Variants in NSMF observed in about 807,000 individuals in gnomAD.
The protein encoded by NSMF is NMDA receptor synaptonuclear signaling and neuronal migration factor.
NSMF carries 31 observed loss-of-function variants against 71.0 expected under a neutral mutation model. The ratio of observed to expected loss-of-function variants is 0.44; its 90% CI spans 0.33 to 0.59. The LOEUF is 0.59. NSMF is among the 20% of genes least tolerant of loss of function. The pLI is 0.04. For missense variants in NSMF, 673 were observed against 740.5 expected (o/e 0.91, Z 1.06); for synonymous variants, 345 against 287.1 (o/e 1.20, Z -2.04).
At chr9:137,456,892 C>G (rs745668205) in intron 3 of NSMF, among the ~76,000 whole-genome samples, 1 of 152,204 alleles carries the variant, frequency 6.6e-6, no homozygotes, top group Admixed American at 6.5e-5. Context: ...TAGAGACCAC[C>G]TTGCTGAGGG....
In NSMF at chr9:137,453,574, C is replaced by T. The variant is rs1412651919; in HGVS notation, c.922+157G>A. ...CCGTTGTTAGCCCCGCCTTTGCGAT[C>T]GGAGATGCTGAGGGCGTCCCCATCT... On this transcript the variant is annotated intron_variant, in intron 8 of 15. Coordinates refer to ENST00000371475, the MANE Select transcript of NSMF (RefSeq NM_001130969.3). This position sits in a 1 kb window ranked among gnomAD's most constrained non-coding sequence, Gnocchi z 4.5. 3.1e-6 allele frequency: 2 copies of T among 646,842 alleles called. No homozygotes were observed. Among genetic ancestry groups the T allele is most frequent in the African/African-American group, 1.8e-5 (1 of 54,538 alleles). The allele number at this position is 646,842 out of a possible 1,614,324, so 40.1% of individuals were successfully genotyped here. A position where few individuals can be genotyped will look rare whatever the true frequency, so the allele number is the denominator to read the frequency against.
chr9:137,457,918 G>A lies in NSMF; in HGVS notation c.134-17C>T, dbSNP rs149347630. 7.1e-4 allele frequency: 1,095 copies of A among 1,539,390 alleles called. 6 individuals carry two copies. The African/African-American group carries it at 0.012, about 16-fold the overall frequency. On this transcript the variant is annotated splice_polypyrimidine_tract_variant and intron_variant, in intron 2 of 15. Coordinates refer to ENST00000371475, the MANE Select transcript of NSMF (RefSeq NM_001130969.3). ...GCAGGTGATCTAGGAGAGACACTGA[G>A]TGAGCCTGCCTGCCGCGTGTGGGCC...
intron 6 of NSMF, chr9:137,454,846 G>T: frequency 8.8e-7 from 1 of 1,137,104 alleles, no homozygotes; most frequent in Non-Finnish European, 1.2e-6. Context: ...CTGGGGGCCT[G>T]CAGGAGCCCC....
rs1276718715 is a variant in NSMF, at chr9:137,449,090, A to G, written c.*304T>C. On this transcript the variant is annotated 3_prime_UTR_variant, in exon 16 of 16. Coordinates refer to ENST00000371475, the MANE Select transcript of NSMF (RefSeq NM_001130969.3). ...GTAGAAATTGCACTTATTTCTATGA[A>G]CCCCATGGAGGGATGCCCACAGCTG... is the stretch of plus-strand genomic sequence containing the variant. The G allele has an allele frequency of 1.9e-6, 1 of 536,738 alleles. No homozygotes were observed. Among genetic ancestry groups the G allele is most frequent in the Non-Finnish European group, 3.4e-6 (1 of 295,994 alleles). 33.2% of individuals were successfully genotyped at this position (536,738 alleles called of 1,614,324 possible).
In NSMF at chr9:137,449,006, A is replaced by G. The variant is rs545733253; in HGVS notation, c.*388T>C. On this transcript the variant is annotated 3_prime_UTR_variant, in exon 16 of 16. Transcript: ENST00000371475. Reference sequence around the variant, plus strand: ...CCGGGGTGCCTACACTGTAACTAGCAGCATAGTGCTTAACTAGTTAACAAG... The same window carrying G: ...CCGGGGTGCCTACACTGTAACTAGCGGCATAGTGCTTAACTAGTTAACAAG... The G allele has an allele frequency of 2.8e-6, 1 of 352,622 alleles. No homozygotes were observed. Among genetic ancestry groups the G allele is most frequent in the Admixed American group, 4.1e-5 (1 of 24,300 alleles). 21.8% of individuals were successfully genotyped at this position (352,622 alleles called of 1,614,324 possible). A position where few individuals can be genotyped will look rare whatever the true frequency, so the allele number is the denominator to read the frequency against.
intron 3 of NSMF, 96 bp from the exon 4 acceptor site, chr9:137,456,582 T>C: frequency 2.9e-6 from 2 of 693,000 alleles, no homozygotes; most frequent in Non-Finnish European, 2.6e-6. Flanking sequence ...GGTCCAGGGG[T>C]CAGCAGAAGC....
chr9:137,456,218 GC>G (rs1830826694), intron 4 of NSMF, among the ~76,000 whole-genome samples, 192 bp downstream of exon 4: 1 of 151,828 alleles, frequency 6.6e-6, no homozygotes, highest in Admixed American at 6.6e-5. Context: ...GGGGGGGGGG[GC>G]TGGGCACCAG....
chr9:137,453,948 A>G lies in NSMF; in HGVS notation c.833-128T>C, dbSNP rs1830686440. 5.2e-6 allele frequency: 4 copies of G among 767,678 alleles called. No homozygotes were observed. The highest frequency in any genetic ancestry group is 8.6e-6 in the Non-Finnish European group (4 of 463,574). 47.6% of individuals were successfully genotyped at this position (767,678 alleles called of 1,614,324 possible). A position where few individuals can be genotyped will look rare whatever the true frequency, so the allele number is the denominator to read the frequency against. On this transcript the variant is annotated intron_variant, in intron 7 of 15. Transcript: ENST00000371475. This position sits in a 1 kb window ranked among gnomAD's most constrained non-coding sequence, Gnocchi z 4.5. ...CTAATGTGGGTGGGGTCTAAGGCAC[A>G]TGAAGCAGACACGGACCAGAGGCTC...
intron 4 of NSMF, 83 bp from the exon 5 acceptor site, chr9:137,455,717 T>TC: frequency 7.0e-7 from 1 of 1,426,454 alleles, no homozygotes; most frequent in Non-Finnish European, 9.7e-7. Flanking sequence ...CCCCACCCGG[T>TC]CCCTACAGTT....
chr9:137,457,543 G>A lies in NSMF; in HGVS notation c.492C>T (p.Ser164=). 1 of 1,601,330 alleles carries A rather than the reference G, an allele frequency of 6.2e-7. No homozygotes were observed. Among genetic ancestry groups the A allele is most frequent in the Non-Finnish European group, 8.5e-7 (1 of 1,174,670 alleles). Residue 164 remains serine, a synonymous_variant, in exon 3 of 16, where the codon TCC becomes TCT. Transcript: ENST00000371475. ...CQSWAGSRQG[S]KECPGCAQLA... ...GCTGGGCACATCCGGGGCACTCCTT[G>A]GAGCCCTGGCGGCTGCCCGCCCAGC...
rs1380686458 is a variant in NSMF at position 137,449,477 on chromosome 9, C to T, written c.1510G>A (p.Glu504Lys). The T allele has an allele frequency of 3.1e-6, 5 of 1,612,898 alleles. No individual in the cohort carries two copies. The highest frequency in any genetic ancestry group is 2.2e-5 in the South Asian group (2 of 91,088). ...TACAACCGGAAGTCAAAGTACGTCT[C>T]GATCATCTGCTTCCCTGGGCGGAGC... Reference protein sequence around the residue: ...ELSAQGKQMIETYFDFRLYRL... With the variant: ...ELSAQGKQMIKTYFDFRLYRL... The change falls in exon 16 of 16, where the codon GAG becomes AAG. Residue 504 changes from glutamate to lysine, a missense_variant. Glu to Lys is a moderately conservative substitution (Grantham distance 56). Transcript: ENST00000371475.
At chr9:137,450,294 TC>T (rs761300119) in intron 12 of NSMF, 39 bp from the exon 13 acceptor site, 42 of 1,535,958 alleles carry the variant, frequency 2.7e-5, no homozygotes, top group Non-Finnish European at 3.8e-5. Flanking sequence ...TCCTCCTTCC[TC>T]CCCCTCTCCG....
intron 5 of NSMF, 85 bp from the exon 6 acceptor site, chr9:137,455,392 C>A (rs1008918336): frequency 1.0e-5 from 15 of 1,489,282 alleles, no homozygotes; most frequent in Non-Finnish European, 1.4e-5. Context: ...AGCAGAGGGC[C>A]CAGCAGGGCG....
intron 9 of NSMF, 61 bp from the exon 10 acceptor site, chr9:137,452,880 G>A (rs1301570322): frequency 5.2e-6 from 8 of 1,536,594 alleles, no homozygotes; most frequent in Admixed American, 1.9e-5. Flanking sequence ...GGGGCTGTGG[G>A]AGCCCCCATG....
At chr9:137,455,426 GGAGTCCCAGCCTGCCTCACCTGTC>G in intron 5 of NSMF, 119 bp from the exon 6 acceptor site, 2 of 1,214,220 alleles carry the variant, frequency 1.6e-6, no homozygotes, top group Non-Finnish European at 2.4e-6. Flanking sequence ...GCCCGGCAGA[GGAGTCCCAGCCTGCCTCACCTGTC>G]GAGGCCCAGC....
intron 5 of NSMF, 148 bp from the exon 6 acceptor site, chr9:137,455,455 C>A: frequency 2.6e-6 from 3 of 1,135,168 alleles, no homozygotes; most frequent in Non-Finnish European, 3.9e-6. Flanking sequence ...CCTGTCGAGG[C>A]CCAGCTCCCA....
rs1214666551 is a variant in NSMF, at chr9:137,447,591, T to C, written c.*1803A>G. 6.6e-6 allele frequency: 1 copy of C among 151,124 alleles called. No individual in the cohort carries two copies. The highest frequency in any genetic ancestry group is 1.5e-5 in the Non-Finnish European group (1 of 67,824). The allele number at this position is 151,124 out of a possible 1,614,324, so 9.4% of individuals were successfully genotyped here. A position where few individuals can be genotyped will look rare whatever the true frequency, so the allele number is the denominator to read the frequency against. On this transcript the variant is annotated 3_prime_UTR_variant, in exon 16 of 16. Transcript: ENST00000371475. ...GGCATTTGGTATTTACCTAAAACTT[T>C]ATACACTCAAATTGGCACCAAAACC...
At position 137,453,319 on chromosome 9, in the gene NSMF, G is replaced by C; in HGVS notation, c.923-139C>G. ...GTGGGAGGACCATACAGAGGTCGCCGCCAGCCCGGCAGGACAGGCCTGTGG... is the reference window on the plus strand; with the variant it reads ...GTGGGAGGACCATACAGAGGTCGCCCCCAGCCCGGCAGGACAGGCCTGTGG... On this transcript the variant is annotated intron_variant, in intron 8 of 15. Transcript: ENST00000371475. The surrounding 1 kb of genome is among the most constrained non-coding windows in gnomAD (Gnocchi z 4.5). The C allele has an allele frequency of 8.1e-7, 1 of 1,232,732 alleles. No individual in the cohort carries two copies. The highest frequency in any genetic ancestry group is 1.1e-6 in the Non-Finnish European group (1 of 877,712). 76.4% of individuals were successfully genotyped at this position (1,232,732 alleles called of 1,614,324 possible).
rs372277406 is a variant in NSMF, at chr9:137,449,343, C to A, written c.*51G>T. 2.6e-5 allele frequency: 39 copies of A among 1,505,394 alleles called. No homozygotes were observed. The East Asian group carries it at 7.8e-4, about 30-fold the overall frequency. 93.3% of individuals were successfully genotyped at this position (1,505,394 alleles called of 1,614,324 possible). On this transcript the variant is annotated 3_prime_UTR_variant, in exon 16 of 16. Coordinates refer to ENST00000371475, the MANE Select transcript of NSMF (RefSeq NM_001130969.3). The stretch of plus-strand genomic sequence containing the variant: ...AGCACGAGGCGGCCCAGCCCCAGGT[C>A]CCGGTGCAGAGGGAGTGGCCTGATG...
Sources: allele counts gnomAD v4.1 joint callset (sites outside exome capture counted in the v4.1 genomes callset), GRCh38; gene constraint gnomAD v4.1.1; non-coding constraint Gnocchi (gnomAD v3.1); transcripts MANE v1.5; gene names NCBI Gene and HGNC (gene_info 2026-07-23, HGNC 2026-07-21).